The following C8orf74 variants were observed in gnomAD, a reference collection of about 807,000 sequenced individuals.
C8orf74 encodes chromosome 8 open reading frame 74, also known as uncharacterized protein C8orf74.
Under a neutral mutation model 22.2 loss-of-function variants are expected in C8orf74, and 29 were observed. That is an observed-to-expected ratio of 1.31 (90% confidence interval 0.97 to 1.78). C8orf74 has a LOEUF of 1.78. Ranked by LOEUF, C8orf74 falls within the 40% of genes most tolerant of loss-of-function variation. The pLI, the probability that C8orf74 is intolerant of heterozygous loss-of-function variation, is 0.00. For missense variants in C8orf74, 515 were observed against 369.9 expected (o/e 1.39, Z -3.22); for synonymous variants, 255 against 163.1 (o/e 1.56, Z -4.30).
intron 2 of C8orf74, among the ~76,000 whole-genome samples, chr8:10,683,543 C>T (rs771255133): frequency 1.3e-5 from 2 of 152,202 alleles, no homozygotes; most frequent in Non-Finnish European, 2.9e-5. Flanking sequence ...TCGCTTTCAT[C>T]TCTGGGGGAT....
chr8:10,695,657 G>T (rs577179044), intron 2 of C8orf74, among the ~76,000 whole-genome samples: 38 of 152,342 alleles, frequency 2.5e-4, no homozygotes, highest in African/African-American at 8.4e-4. Context: ...AGGGAATGGG[G>T]GGTGGGGAGA....
intron 3 of C8orf74, among the ~76,000 whole-genome samples, chr8:10,698,389 C>T (rs2129059297): frequency 6.6e-6 from 1 of 152,110 alleles, no homozygotes; most frequent in East Asian, 1.9e-4. Flanking sequence ...GCAGATTATC[C>T]AGAGCCGGCA....
chr8:10,679,411 G>A (rs550182186), intron 2 of C8orf74, among the ~76,000 whole-genome samples: 1 of 152,254 alleles, frequency 6.6e-6, no homozygotes, highest in South Asian at 2.1e-4. Context: ...TCCTCCCTCG[G>A]CTTTGCTCAG....
chr8:10,691,764 C>T (rs1015965921), intron 2 of C8orf74: 2 of 152,330 alleles, frequency 1.3e-5, no homozygotes, highest in Non-Finnish European at 2.9e-5. Context: ...ATTTGATAAT[C>T]CTATGTACGC....
intron 2 of C8orf74, among the ~76,000 whole-genome samples, chr8:10,687,769 T>C (rs1799291652): frequency 6.6e-6 from 1 of 152,198 alleles, no homozygotes; most frequent in Non-Finnish European, 1.5e-5. Context: ...TTTTTCAGGG[T>C]CACCATCTTC....
chr8:10,691,668 A>C (rs912531552), intron 2 of C8orf74: 4 of 152,362 alleles, frequency 2.6e-5, no homozygotes, highest in African/African-American at 9.7e-5. Flanking sequence ...GCTGTCCTCC[A>C]TGCGGCCACC....
intron 2 of C8orf74, chr8:10,688,645 A>T (rs1183227957): frequency 3.9e-5 from 6 of 152,460 alleles, no homozygotes; most frequent in Non-Finnish European, 5.9e-5. Context: ...GTCACAGGGC[A>T]GGAGGATGAT....
rs577014228 is a variant in C8orf74 at position 10,682,751 on chromosome 8, G to A, written c.241+7913G>A. 3.7e-4 allele frequency among the ~76,000 whole-genome samples: 57 copies of A among 152,334 alleles called. No homozygotes were observed. The South Asian group carries it at 9.7e-3, about 26-fold the overall frequency. ...ACACTGAGCAAGGCCACCACTCCTC[G>A]GGTGAGCCGGTGACAGTAAGTAGGT... On this transcript the variant is annotated intron_variant, in intron 2 of 3. Transcript: ENST00000304519.
At chr8:10,692,325 C>T (rs1231243802) in intron 2 of C8orf74, 1 of 152,798 alleles carries the variant, frequency 6.5e-6, no homozygotes, top group African/African-American at 2.4e-5. Context: ...CAGCTCGTTC[C>T]TCCTGCTGCC....
chr8:10,678,523 C>G (rs970950110), intron 2 of C8orf74, among the ~76,000 whole-genome samples: 2 of 152,094 alleles, frequency 1.3e-5, no homozygotes, highest in African/African-American at 4.8e-5. Context: ...TCCTCAGCCC[C>G]TGCACTGCCC....
At chr8:10,699,390 A>G (rs909250082) in intron 3 of C8orf74, among the ~76,000 whole-genome samples, 1 of 152,270 alleles carries the variant, frequency 6.6e-6, no homozygotes, top group Non-Finnish European at 1.5e-5. Flanking sequence ...GTTTTCTACA[A>G]AAACAACAAG....
intron 3 of C8orf74, among the ~76,000 whole-genome samples, chr8:10,698,657 G>T (rs1476846064): frequency 6.6e-6 from 1 of 152,076 alleles, no homozygotes; most frequent in Non-Finnish European, 1.5e-5. Flanking sequence ...CTTCTTGAGG[G>T]CCTGGCCAAG....
At chr8:10,679,383 C>A (rs111380271) in intron 2 of C8orf74, among the ~76,000 whole-genome samples, 1 of 152,160 alleles carries the variant, frequency 6.6e-6, no homozygotes. Context: ...CAGTATCGCT[C>A]GTGGAAATCA....
chr8:10,699,043 T>A (rs1455458996), intron 3 of C8orf74, among the ~76,000 whole-genome samples: 3 of 152,136 alleles, frequency 2.0e-5, no homozygotes, highest in Non-Finnish European at 4.4e-5. Context: ...CATGTGATCT[T>A]AGTTCACGAA....
At chr8:10,683,567 A>T (rs1208165256) in intron 2 of C8orf74, among the ~76,000 whole-genome samples, 1 of 152,142 alleles carries the variant, frequency 6.6e-6, no homozygotes, top group African/African-American at 2.4e-5. Flanking sequence ...GACCATGAGG[A>T]TGACCAGGAC....
intron 2 of C8orf74, among the ~76,000 whole-genome samples, chr8:10,687,758 A>T (rs1024654005): frequency 6.6e-6 from 1 of 152,026 alleles, no homozygotes; most frequent in African/African-American, 2.4e-5. Context: ...GGAATAACTT[A>T]TTTTTCAGGG....
chr8:10,694,366 T>A (rs185684264), intron 2 of C8orf74, among the ~76,000 whole-genome samples: 1 of 152,136 alleles, frequency 6.6e-6, no homozygotes, highest in African/African-American at 2.4e-5. Context: ...CAGGTCTCAA[T>A]CAATTTAGAA....
intron 2 of C8orf74, chr8:10,686,511 C>G (rs994824499): frequency 6.6e-6 from 1 of 152,374 alleles, no homozygotes; most frequent in Non-Finnish European, 1.5e-5. Flanking sequence ...TTTCCATTAT[C>G]TGCCCTGTCG....
chr8:10,689,938 A>C (rs1799338817), intron 2 of C8orf74, among the ~76,000 whole-genome samples: 1 of 151,966 alleles, frequency 6.6e-6, no homozygotes, highest in Admixed American at 6.6e-5. Context: ...GTGTAAGTGG[A>C]CCCGCAGGAG....
Sources: allele counts gnomAD v4.1 joint callset (sites outside exome capture counted in the v4.1 genomes callset), GRCh38; gene constraint gnomAD v4.1.1; transcripts MANE v1.5; gene names NCBI Gene and HGNC (gene_info 2026-07-23, HGNC 2026-07-21).